The following HINT3 variants were observed in gnomAD, a reference collection of about 807,000 sequenced individuals.
HINT3 encodes the protein adenosine 5'-monophosphoramidase HINT3.
In HINT3, 16 loss-of-function variants were observed where a neutral mutation model predicts 19.1. The observed-to-expected ratio is 0.84, with a 90% CI of 0.57 to 1.27. The LOEUF (loss-of-function observed/expected upper bound fraction) is 1.27. Among genes scored for constraint, HINT3 ranks in the 50% most tolerant of loss-of-function variants. The probability of loss-of-function intolerance (pLI) is 0.00; values close to 1 mark genes in which losing one functional copy is unlikely to be tolerated. For synonymous variants in HINT3, 75 were observed against 84.8 expected (o/e 0.88, Z 0.63); for missense variants, 197 against 225.8 (o/e 0.87, Z 0.82).
At chr6:125,969,202 C>T (rs1789063183) in intron 2 of HINT3, among the ~76,000 whole-genome samples, 1 of 152,098 alleles carries the variant, frequency 6.6e-6, no homozygotes, top group Admixed American at 6.5e-5. Flanking sequence ...GGTAGGGGTC[C>T]AGTTTTATTC....
chr6:125,972,328 G>A lies in HINT3; in HGVS notation c.389G>A (p.Arg130Lys), dbSNP rs377239838. 88 of 1,540,364 alleles carry A rather than the reference G, an allele frequency of 5.7e-5. No homozygotes were observed. Among genetic ancestry groups the A allele is most frequent in the Non-Finnish European group, 7.6e-5 (87 of 1,140,466 alleles). The change falls in exon 3 of 5, where the codon AGG (arginine) becomes AAG (lysine). Residue 130 changes from arginine (R) to lysine (K), a missense_variant and splice_region_variant. By Grantham distance (26) the Arg-to-Lys change is conservative. Transcript: ENST00000229633. ...AATTTCACTGACTTCACGAATGTGA[G>A]GTGTGTATACTTCCAGATGGAAACC... ...RNNFTDFTNV[R>K]MGFHMPPFCS...
intron 1 of HINT3, among the ~76,000 whole-genome samples, chr6:125,962,163 C>CACACAT (rs1562211948): frequency 2.7e-4 from 3 of 11,266 alleles, no homozygotes; most frequent in Non-Finnish European, 3.6e-4. Context: ...TATATATACA[C>CACACAT]ATATATATAT....
At chr6:125,964,211 G>A (rs917199424) in intron 1 of HINT3, among the ~76,000 whole-genome samples, 4 of 152,186 alleles carry the variant, frequency 2.6e-5, no homozygotes, top group Non-Finnish European at 5.9e-5. Flanking sequence ...TGAATGGAAT[G>A]ATTATGCTAC....
chr6:125,967,955 T>C (rs554982839), intron 2 of HINT3, among the ~76,000 whole-genome samples: 1 of 152,354 alleles, frequency 6.6e-6, no homozygotes, highest in South Asian at 2.1e-4. Context: ...ACTTCAAATC[T>C]GCCTTTAAAA....
intron 2 of HINT3, among the ~76,000 whole-genome samples, chr6:125,968,187 C>G (rs1237451975): frequency 6.6e-6 from 1 of 152,084 alleles, no homozygotes; most frequent in African/African-American, 2.4e-5. Context: ...TTAGTTGTCC[C>G]CAGTGTCTAT....
intron 1 of HINT3, among the ~76,000 whole-genome samples, chr6:125,962,741 A>G (rs1788961651): frequency 6.6e-6 from 1 of 152,142 alleles, no homozygotes; most frequent in Admixed American, 6.5e-5. Context: ...TATACTGCAG[A>G]TTTAAAACTA....
chr6:125,976,845 T>C (rs896885101), intron 4 of HINT3, among the ~76,000 whole-genome samples: 9 of 152,162 alleles, frequency 5.9e-5, no homozygotes, highest in African/African-American at 1.9e-4. Flanking sequence ...TATAGTGTGA[T>C]TGAGAAAAAC....
intron 4 of HINT3, among the ~76,000 whole-genome samples, chr6:125,975,445 C>A (rs1359881870): frequency 1.3e-5 from 2 of 152,162 alleles, no homozygotes; most frequent in Non-Finnish European, 2.9e-5. Context: ...TAGTAAGTGT[C>A]AGGAAATGTT....
At chr6:125,960,958 G>A (rs1276768819) in intron 1 of HINT3, among the ~76,000 whole-genome samples, 1 of 152,132 alleles carries the variant, frequency 6.6e-6, no homozygotes. Context: ...TTTAAATTTT[G>A]TATTCTGCAG....
Position 125,974,880 on chromosome 6 carries a change from T to C in HINT3, c.423T>C (p.Ile141=). The part of the protein sequence containing the change: ...MGFHMPPFCS[I]SHLHLHVLAP... Reference sequence around the variant, plus strand: ...TTCATATGCCACCATTCTGTTCCATTTCCCACTTGCACCTTCATGTTCTGG... The same window carrying C: ...TTCATATGCCACCATTCTGTTCCATCTCCCACTTGCACCTTCATGTTCTGG... The change falls in exon 4 of 5, where the codon ATT becomes ATC. Residue 141 remains isoleucine (I), a synonymous_variant. Coordinates refer to ENST00000229633, the MANE Select transcript of HINT3 (RefSeq NM_138571.5). The C allele has an allele frequency of 6.2e-7, 1 of 1,614,010 alleles. No homozygotes were observed. Among genetic ancestry groups the C allele is most frequent in the Non-Finnish European group, 8.5e-7 (1 of 1,179,910 alleles).
intron 1 of HINT3, among the ~76,000 whole-genome samples, chr6:125,960,415 T>A (rs1364530169): frequency 2.0e-5 from 3 of 152,118 alleles, no homozygotes; most frequent in East Asian, 3.9e-4. Flanking sequence ...TCCCAGCACT[T>A]TGGGAGGCTG....
In HINT3 at chr6:125,972,372, C is replaced by T. The variant is rs546178562; in HGVS notation, c.389+44C>T. ...GGAAACCAATATTATACATTATTGA[C>T]GTTTTTCAAAATGTCATTTCTCCAT... is the stretch of plus-strand genomic sequence containing the variant. On this transcript the variant is annotated intron_variant, in intron 3 of 4. Coordinates refer to ENST00000229633, the MANE Select transcript of HINT3 (RefSeq NM_138571.5). 1.9e-5 allele frequency: 23 copies of T among 1,183,542 alleles called. No individual in the cohort carries two copies. In the East Asian group the frequency reaches 4.2e-4, roughly 22 times the overall value. The allele number at this position is 1,183,542 out of a possible 1,614,324, so 73.3% of individuals were successfully genotyped here. A position where few individuals can be genotyped will look rare whatever the true frequency, so the allele number is the denominator to read the frequency against.
chr6:125,966,642 A>G (rs1474984502), intron 1 of HINT3, among the ~76,000 whole-genome samples: 1 of 152,160 alleles, frequency 6.6e-6, no homozygotes, highest in African/African-American at 2.4e-5. Context: ...ATTTTAGTGA[A>G]CTTTACTCAT....
chr6:125,960,483 C>A lies in HINT3; in HGVS notation c.201+3305C>A, dbSNP rs963793286. Reference sequence around the variant, plus strand: ...ACCAGCCTGGCCAATATGGTGAAACCCCATCTCTCCTAAAAATACAAAAAT... The same window carrying A: ...ACCAGCCTGGCCAATATGGTGAAACACCATCTCTCCTAAAAATACAAAAAT... On this transcript the variant is annotated intron_variant, in intron 1 of 4. Coordinates refer to ENST00000229633, the MANE Select transcript of HINT3 (RefSeq NM_138571.5). 3.3e-5 allele frequency among the ~76,000 whole-genome samples: 5 copies of A among 152,092 alleles called. No individual in the cohort carries two copies. In the South Asian group the frequency reaches 1.0e-3, roughly 32 times the overall value.
Position 125,956,954 on chromosome 6 carries a change from T to G in HINT3, c.-24T>G, listed in dbSNP as rs1359862637. On this transcript the variant is annotated 5_prime_UTR_variant, in exon 1 of 5. Coordinates refer to ENST00000229633, the MANE Select transcript of HINT3 (RefSeq NM_138571.5). ...CCGGTAGCCCTGGAGAGGCCGAGGC[T>G]CTAGGCCGCGAGGGGCGGGTGCAAT... The G allele has an allele frequency of 6.5e-7, 1 of 1,547,852 alleles. No individual in the cohort carries two copies. The highest frequency in any genetic ancestry group is 1.4e-5 in the African/African-American group (1 of 73,022).
chr6:125,969,510 T>G (rs1481258833), intron 2 of HINT3, among the ~76,000 whole-genome samples: 1 of 152,194 alleles, frequency 6.6e-6, no homozygotes. Context: ...ATATGAATTT[T>G]AGGATAGTTT....
intron 1 of HINT3, among the ~76,000 whole-genome samples, chr6:125,957,583 C>T (rs752925064): frequency 4.6e-5 from 7 of 152,172 alleles, no homozygotes; most frequent in African/African-American, 1.7e-4. Flanking sequence ...GATTTTAAAT[C>T]CTGCACACTC....
chr6:125,961,151 T>C (rs1403489882), intron 1 of HINT3, among the ~76,000 whole-genome samples: 1 of 152,098 alleles, frequency 6.6e-6, no homozygotes, highest in Non-Finnish European at 1.5e-5. Flanking sequence ...AAATAAGACA[T>C]GATCAGTACT....
chr6:125,956,917 G>A lies in HINT3; in HGVS notation c.-61G>A. ...AAACGGAGGAGGTGCGGGACGCGGA[G>A]ACTGCGCGGGCCCGGTAGCCCTGGA... On this transcript the variant is annotated 5_prime_UTR_variant, in exon 1 of 5. Coordinates refer to ENST00000229633, the MANE Select transcript of HINT3 (RefSeq NM_138571.5). The A allele has an allele frequency of 1.3e-6, 2 of 1,490,788 alleles. No individual in the cohort carries two copies. The highest frequency in any genetic ancestry group is 4.1e-5 in the Admixed American group (2 of 48,976). 92.3% of individuals were successfully genotyped at this position (1,490,788 alleles called of 1,614,324 possible).
Sources: allele counts gnomAD v4.1 joint callset (sites outside exome capture counted in the v4.1 genomes callset), GRCh38; gene constraint gnomAD v4.1.1; transcripts MANE v1.5; gene names NCBI Gene and HGNC (gene_info 2026-07-23, HGNC 2026-07-21).